Variants in SMAD6 observed in about 807,000 individuals in gnomAD.
The protein encoded by SMAD6 is MAD homolog 6.
Under a neutral mutation model 39.4 loss-of-function variants are expected in SMAD6, and 103 were observed. That is an observed-to-expected ratio of 2.62 (90% CI 2.23 to 3.08). The LOEUF (loss-of-function observed/expected upper bound fraction) is 3.08, where lower values mean the gene tolerates loss of function less well. SMAD6 is among the 30% of genes most tolerant of loss of function. The pLI, the probability that SMAD6 is intolerant of heterozygous loss-of-function variation, is 0.00. For missense variants in SMAD6, 1,104 were observed against 742.9 expected (o/e 1.49, Z -5.65); for synonymous variants, 445 against 353.3 (o/e 1.26, Z -2.91).
chr15:66,774,890 T>C (rs1894439901), intron 3 of SMAD6, among the ~76,000 whole-genome samples: 1 of 150,994 alleles, frequency 6.6e-6, no homozygotes, highest in Admixed American at 6.6e-5. Flanking sequence ...AGACGGAGTT[T>C]CGCTCTTGTT....
At position 66,766,357 on chromosome 15, in the gene SMAD6, T is replaced by C. The variant is rs79911619; in HGVS notation, c.953-14640T>C. Among the ~76,000 whole-genome samples, 1,171 of 152,250 alleles carry C rather than the reference T, an allele frequency of 7.7e-3. 94 individuals carry two copies. The East Asian group carries it at 0.17, about 22-fold the overall frequency. On this transcript the variant is annotated intron_variant, in intron 3 of 3. Transcript: ENST00000288840. ...CCAGGACGCACTCTGTGAAGAAAAA[T>C]GGCAGGAAGAATGTCTGAGGGTCTG...
chr15:66,743,326 G>C (rs1008883037), intron 3 of SMAD6, among the ~76,000 whole-genome samples: 4 of 152,124 alleles, frequency 2.6e-5, no homozygotes, highest in African/African-American at 9.7e-5. Flanking sequence ...CATTCTCTTG[G>C]AGTAGCTGAG....
intron 1 of SMAD6, chr15:66,704,900 C>T (rs1893078021): frequency 6.5e-6 from 1 of 152,674 alleles, no homozygotes; most frequent in African/African-American, 2.4e-5. Flanking sequence ...GGCCCTGGTG[C>T]TCAGGTGCAG....
At chr15:66,711,481 ATCTG>A (rs1893224864) in intron 1 of SMAD6, among the ~76,000 whole-genome samples, 183 bp from the exon 2 acceptor site, 1 of 152,196 alleles carries the variant, frequency 6.6e-6, no homozygotes, top group African/African-American at 2.4e-5. Flanking sequence ...TTGAGCCCAT[ATCTG>A]TCTGTGCCCC....
In SMAD6 at chr15:66,781,394, C is replaced by G; in HGVS notation, c.1350C>G (p.Pro450=). ...AGCGCTCGGGCCTGCAGCACGCGCCCGAGCCCGACGCCGCCGACGGCCCCT... is the reference window on the plus strand; with the variant it reads ...AGCGCTCGGGCCTGCAGCACGCGCCGGAGCCCGACGCCGCCGACGGCCCCT... ...DFERSGLQHA[P]EPDAADGPYD... Residue 450 remains proline, a synonymous_variant, in exon 4 of 4, where the codon CCC becomes CCG. Coordinates refer to ENST00000288840, the MANE Select transcript of SMAD6 (RefSeq NM_005585.5). 1.9e-6 allele frequency: 3 copies of G among 1,602,074 alleles called. No homozygotes were observed. Among genetic ancestry groups the G allele is most frequent in the Non-Finnish European group, 2.5e-6 (3 of 1,177,698 alleles).
At chr15:66,706,494 C>T (rs762194798) in intron 1 of SMAD6, 1 of 152,322 alleles carries the variant, frequency 6.6e-6, no homozygotes, top group Non-Finnish European at 1.5e-5. Context: ...GGCCTGAGAG[C>T]TGGGGGAGCC....
At chr15:66,730,277 T>G (rs1360225315) in intron 3 of SMAD6, among the ~76,000 whole-genome samples, 1 of 152,200 alleles carries the variant, frequency 6.6e-6, no homozygotes, top group Non-Finnish European at 1.5e-5. Context: ...CTGGTTCCTC[T>G]CTTTCTGACA....
At chr15:66,769,591 G>C (rs894998785) in intron 3 of SMAD6, among the ~76,000 whole-genome samples, 1 of 152,132 alleles carries the variant, frequency 6.6e-6, no homozygotes, top group Admixed American at 6.5e-5. Flanking sequence ...TACCTTACCT[G>C]GTTACCCCCT....
At chr15:66,710,425 G>A (rs1457127225) in intron 1 of SMAD6, among the ~76,000 whole-genome samples, 1 of 152,132 alleles carries the variant, frequency 6.6e-6, no homozygotes, top group African/African-American at 2.4e-5. Context: ...TCAGAGCTTT[G>A]ACTTTGTTGG....
chr15:66,775,202 C>G (rs1894446300), intron 3 of SMAD6, among the ~76,000 whole-genome samples: 1 of 152,074 alleles, frequency 6.6e-6, no homozygotes. Flanking sequence ...TTTGCCTTTT[C>G]AAGAGTTTTG....
intron 3 of SMAD6, among the ~76,000 whole-genome samples, chr15:66,730,300 TG>T (rs1454489399): frequency 2.0e-5 from 3 of 152,218 alleles, no homozygotes; most frequent in African/African-American, 7.2e-5. Context: ...TTCTTTTCTT[TG>T]ATTTTGTTAC....
chr15:66,713,767 C>T (rs1331383545), intron 2 of SMAD6, among the ~76,000 whole-genome samples: 1 of 152,168 alleles, frequency 6.6e-6, no homozygotes, highest in Non-Finnish European at 1.5e-5. Context: ...GGCTGTTCCA[C>T]GAGGGTGTGG....
chr15:66,716,597 C>T (rs1893335301), intron 3 of SMAD6, 99 bp downstream of exon 3: 1 of 881,236 alleles, frequency 1.1e-6, no homozygotes, highest in African/African-American at 1.7e-5. Context: ...TTCCCCTCTT[C>T]TTTTTGTTTC....
At chr15:66,729,242 C>T (rs1893579473) in intron 3 of SMAD6, among the ~76,000 whole-genome samples, 1 of 152,178 alleles carries the variant, frequency 6.6e-6, no homozygotes, top group Non-Finnish European at 1.5e-5. Flanking sequence ...CCCTGCATCT[C>T]CCTGCATCCC....
intron 3 of SMAD6, among the ~76,000 whole-genome samples, chr15:66,719,652 G>A (rs1382224385): frequency 6.6e-6 from 1 of 152,202 alleles, no homozygotes; most frequent in Non-Finnish European, 1.5e-5. Flanking sequence ...CATGGTCTCT[G>A]CTTTACTTCC....
At position 66,703,739 on chromosome 15, in the gene SMAD6, G is replaced by A; in HGVS notation, c.481G>A (p.Ala161Thr). 7.3e-7 allele frequency: 1 copy of A among 1,375,896 alleles called. No homozygotes were observed. Among genetic ancestry groups the A allele is most frequent in the Non-Finnish European group, 9.5e-7 (1 of 1,051,548 alleles). The allele number at this position is 1,375,896 out of a possible 1,614,324, so 85.2% of individuals were successfully genotyped here. Residue 161 changes from alanine (A) to threonine (T), a missense_variant, in exon 1 of 4, where the codon GCG (alanine) becomes ACG (threonine). Physicochemically the swap from Ala to Thr is moderately conservative, Grantham distance 58. Transcript: ENST00000288840. ...EPAGGGRSRE[A>T]RSRLLLLEQE... ...GGCGGGCGGCGGGCGGAGTCGCGAA[G>A]CGCGCTCGCGGCTGCTGCTGCTGGA...
Position 66,781,230 on chromosome 15 carries a change from G to A in SMAD6, c.1186G>A (p.Glu396Lys). 3 of 1,608,700 alleles carry A rather than the reference G, an allele frequency of 1.9e-6. No homozygotes were observed. The highest frequency in any genetic ancestry group is 2.5e-6 in the Non-Finnish European group (3 of 1,179,666). The change falls in exon 4 of 4, where the codon GAG (glutamate) becomes AAG (lysine). Residue 396 changes from glutamate to lysine, a missense_variant. Glu to Lys is a moderately conservative substitution (Grantham distance 56, BLOSUM62 1). Coordinates refer to ENST00000288840, the MANE Select transcript of SMAD6 (RefSeq NM_005585.5). ...KIGFGILLSK[E>K]PDGVWAYNRG... ...CGGCTTCGGCATCCTGCTCAGCAAG[G>A]AGCCCGACGGCGTGTGGGCCTACAA...
intron 3 of SMAD6, among the ~76,000 whole-genome samples, chr15:66,746,513 TG>T (rs892069819): frequency 6.7e-6 from 1 of 148,382 alleles, no homozygotes; most frequent in Non-Finnish European, 1.5e-5. Context: ...TCTAGGGGGG[TG>T]GGGGGTCCTG....
intron 3 of SMAD6, among the ~76,000 whole-genome samples, chr15:66,749,959 G>A (rs1325366423): frequency 6.6e-6 from 1 of 152,164 alleles, no homozygotes; most frequent in African/African-American, 2.4e-5. Flanking sequence ...TCCTCAGCAC[G>A]TTTTCCAGCC....
Sources: allele counts gnomAD v4.1 joint callset (sites outside exome capture counted in the v4.1 genomes callset), GRCh38; gene constraint gnomAD v4.1.1; transcripts MANE v1.5; gene names NCBI Gene and HGNC (gene_info 2026-07-23, HGNC 2026-07-21).